TMED8: variants seen among roughly 807,000 people sequenced by gnomAD.
TMED8 encodes protein TMED8.
TMED8 carries 15 observed loss-of-function variants against 32.7 expected under a neutral mutation model. That is an observed-to-expected ratio of 0.46 (90% CI 0.31 to 0.71). TMED8 has a LOEUF of 0.71. TMED8 is among the 30% of genes least tolerant of loss of function. The probability of loss-of-function intolerance (pLI) is 0.06; values close to 1 mark genes in which losing one functional copy is unlikely to be tolerated. For synonymous variants in TMED8, 147 were observed against 161.4 expected (o/e 0.91, Z 0.68); for missense variants, 390 against 423.9 (o/e 0.92, Z 0.70).
At chr14:77,364,850 C>T (rs1459059362) in intron 1 of TMED8, among the ~76,000 whole-genome samples, 1 of 152,142 alleles carries the variant, frequency 6.6e-6, no homozygotes, top group Non-Finnish European at 1.5e-5. Context: ...CGAGTGTAAC[C>T]ATTTCCCCAC....
intron 3 of TMED8, 133 bp downstream of exon 3, chr14:77,346,216 A>G (rs936223129): frequency 2.3e-6 from 2 of 855,392 alleles, no homozygotes; most frequent in African/African-American, 3.4e-5. Flanking sequence ...GAAGACCAAG[A>G]TGCCCTAAAT....
At chr14:77,349,319 T>C (rs935547863) in intron 2 of TMED8, among the ~76,000 whole-genome samples, 1 of 152,042 alleles carries the variant, frequency 6.6e-6, no homozygotes, top group Non-Finnish European at 1.5e-5. Context: ...GGTTTCACCA[T>C]GTTGGCCAGG....
chr14:77,377,089 G>A lies in TMED8; in HGVS notation c.-36C>T. The A allele has an allele frequency of 1.6e-6, 2 of 1,284,570 alleles. No homozygotes were observed. Among genetic ancestry groups the A allele is most frequent in the South Asian group, 1.9e-5 (1 of 53,118 alleles). 79.6% of individuals were successfully genotyped at this position (1,284,570 alleles called of 1,614,324 possible). The stretch of plus-strand genomic sequence containing the variant: ...CGCACGGAGCTCTCCGCTGCCAGCC[G>A]CGAGTGGCTCCGGAAACAGCCGAAG... On this transcript the variant is annotated 5_prime_UTR_variant, in exon 1 of 6. Transcript: ENST00000216468.
At chr14:77,342,935 C>T (rs1892938850) in intron 5 of TMED8, among the ~76,000 whole-genome samples, 1 of 152,134 alleles carries the variant, frequency 6.6e-6, no homozygotes, top group Non-Finnish European at 1.5e-5. Context: ...CCATCCCTGC[C>T]CCCAGGAAGG....
chr14:77,364,141 T>G (rs2139630001), intron 1 of TMED8, among the ~76,000 whole-genome samples: 1 of 152,352 alleles, frequency 6.6e-6, no homozygotes, highest in African/African-American at 2.4e-5. Flanking sequence ...AAGAATAGTA[T>G]ATTAATTTTA....
intron 1 of TMED8, among the ~76,000 whole-genome samples, chr14:77,364,728 C>A (rs921312109): frequency 6.6e-6 from 1 of 152,134 alleles, no homozygotes; most frequent in Non-Finnish European, 1.5e-5. Context: ...TACTTCATTT[C>A]TATAGGACAA....
At chr14:77,342,666 C>T (rs1311105376) in intron 5 of TMED8, among the ~76,000 whole-genome samples, 1 of 152,188 alleles carries the variant, frequency 6.6e-6, no homozygotes, top group Non-Finnish European at 1.5e-5. Flanking sequence ...CTACAAATAA[C>T]AGCCGGAATG....
chr14:77,363,047 T>G (rs1268588652), intron 1 of TMED8, among the ~76,000 whole-genome samples: 2 of 152,192 alleles, frequency 1.3e-5, no homozygotes, highest in Non-Finnish European at 2.9e-5. Context: ...AATATCCCAT[T>G]TTCAACAATG....
chr14:77,346,436 A>T lies in TMED8; in HGVS notation c.240T>A (p.Asp80Glu). ...CCAAAGGACCAGTTGCTTTCCGCAG[A>T]TCTTCCGTGGCATCCTTACTCACTG... ...VSPVSKDATE[D>E]LRKATGPLEA... The change falls in exon 3 of 6, where the codon GAT (aspartate) becomes GAA (glutamate). Residue 80 changes from aspartate (D) to glutamate (E), a missense_variant. Coordinates refer to ENST00000216468, the MANE Select transcript of TMED8 (RefSeq NM_213601.3). 1 of 1,614,158 alleles carries T rather than the reference A, an allele frequency of 6.2e-7. No individual in the cohort carries two copies. Among genetic ancestry groups the T allele is most frequent in the African/African-American group, 1.3e-5 (1 of 75,032 alleles).
At chr14:77,361,278 G>A (rs375590956) in intron 1 of TMED8, among the ~76,000 whole-genome samples, 9 of 152,166 alleles carry the variant, frequency 5.9e-5, no homozygotes, top group South Asian at 2.1e-4. Context: ...CACCACGCCC[G>A]GCCCATTTCC....
chr14:77,336,148 G>A lies in TMED8; in HGVS notation c.*5623C>T, dbSNP rs1892754817. Reference sequence around the variant, plus strand: ...TTCATGATCCTATTTCAGGACTTTAGAAAATATACTTTGTCCTCTGGAAGC... The same window carrying A: ...TTCATGATCCTATTTCAGGACTTTAAAAAATATACTTTGTCCTCTGGAAGC... On this transcript the variant is annotated 3_prime_UTR_variant, in exon 6 of 6. Coordinates refer to ENST00000216468, the MANE Select transcript of TMED8 (RefSeq NM_213601.3). The A allele has an allele frequency of 6.6e-6, 1 of 152,084 alleles. No homozygotes were observed. The highest frequency in any genetic ancestry group is 1.5e-5 in the Non-Finnish European group (1 of 68,004). 9.4% of individuals were successfully genotyped at this position (152,084 alleles called of 1,614,324 possible).
chr14:77,365,658 T>C (rs949826579), intron 1 of TMED8, among the ~76,000 whole-genome samples: 7 of 152,220 alleles, frequency 4.6e-5, no homozygotes, highest in Admixed American at 4.6e-4. Context: ...TTTAACTTGA[T>C]ACTTAACCAA....
intron 1 of TMED8, among the ~76,000 whole-genome samples, chr14:77,360,710 TG>T (rs541610488): frequency 1.8e-4 from 27 of 152,282 alleles, no homozygotes; most frequent in Non-Finnish European, 2.4e-4. Context: ...ATATTCAGAA[TG>T]GGGGTTACTG....
intron 2 of TMED8, among the ~76,000 whole-genome samples, chr14:77,349,732 C>T (rs1566686972): frequency 6.6e-6 from 1 of 152,146 alleles, no homozygotes; most frequent in Non-Finnish European, 1.5e-5. Context: ...TTCTTCACTG[C>T]ACCTATTACT....
Position 77,341,014 on chromosome 14 carries a change from T to C in TMED8, c.*757A>G, listed in dbSNP as rs1469140929. 6.6e-6 allele frequency: 1 copy of C among 152,124 alleles called. No individual in the cohort carries two copies. Among genetic ancestry groups the C allele is most frequent in the Non-Finnish European group, 1.5e-5 (1 of 68,012 alleles). The allele number at this position is 152,124 out of a possible 1,614,324, so 9.4% of individuals were successfully genotyped here. A position where few individuals can be genotyped will look rare whatever the true frequency, so the allele number is the denominator to read the frequency against. ...TACCTAATTTCCACTCTCTCCACTT[T>C]GACTGCCAGTGCCCATAGTAAGGGA... On this transcript the variant is annotated 3_prime_UTR_variant, in exon 6 of 6. Transcript: ENST00000216468.
intron 1 of TMED8, among the ~76,000 whole-genome samples, chr14:77,358,899 TG>T (rs962343401): frequency 3.4e-5 from 5 of 149,084 alleles, no homozygotes; most frequent in African/African-American, 1.2e-4. Context: ...AACTTTTTTT[TG>T]TTTGTTTGTT....
At chr14:77,375,071 T>C (rs1893781224) in intron 1 of TMED8, among the ~76,000 whole-genome samples, 1 of 152,344 alleles carries the variant, frequency 6.6e-6, no homozygotes, top group Non-Finnish European at 1.5e-5. Context: ...ATTGTTGACA[T>C]GACTAAATCA....
In TMED8 at chr14:77,377,062, C is replaced by T; in HGVS notation, c.-9G>A. 3 of 1,350,396 alleles carry T rather than the reference C, an allele frequency of 2.2e-6. No homozygotes were observed. The highest frequency in any genetic ancestry group is 3.6e-5 in the South Asian group (2 of 56,186). 83.7% of individuals were successfully genotyped at this position (1,350,396 alleles called of 1,614,324 possible). ...GCCTGCAGGTCAGACATCTGCAGCCCGCGCACGGAGCTCTCCGCTGCCAGC... is the reference window on the plus strand; with the variant it reads ...GCCTGCAGGTCAGACATCTGCAGCCTGCGCACGGAGCTCTCCGCTGCCAGC... On this transcript the variant is annotated 5_prime_UTR_variant, in exon 1 of 6. Coordinates refer to ENST00000216468, the MANE Select transcript of TMED8 (RefSeq NM_213601.3).
chr14:77,371,485 G>T (rs1041441974), intron 1 of TMED8, among the ~76,000 whole-genome samples: 1 of 152,080 alleles, frequency 6.6e-6, no homozygotes, highest in African/African-American at 2.4e-5. Flanking sequence ...CATCCCATAA[G>T]GAGTTGAGCT....
Sources: allele counts gnomAD v4.1 joint callset (sites outside exome capture counted in the v4.1 genomes callset), GRCh38; gene constraint gnomAD v4.1.1; transcripts MANE v1.5; gene names NCBI Gene and HGNC (gene_info 2026-07-23, HGNC 2026-07-21).